ZNF18: variants seen among roughly 807,000 people sequenced by gnomAD.
The protein encoded by ZNF18 is heart development-specific gene 1 protein.
A neutral mutation model predicts 58.1 loss-of-function variants in ZNF18; 42 were observed. The ratio of observed to expected loss-of-function variants is 0.72; its 90% CI spans 0.56 to 0.93. The LOEUF (loss-of-function observed/expected upper bound fraction) is 0.93, where lower values mean the gene tolerates loss of function less well. Ranked by LOEUF, ZNF18 falls within the 40% of genes least tolerant of loss-of-function variation. The pLI is 0.00. For synonymous variants in ZNF18, 231 were observed against 239.8 expected, an observed-to-expected ratio of 0.96 and a Z score of 0.34; for missense variants, 540 against 644.2, an observed-to-expected ratio of 0.84 and a Z score of 1.75.
In ZNF18 at chr17:11,991,050, A is replaced by G; in HGVS notation, c.501T>C (p.Leu167=). Residue 167 remains leucine (L), a synonymous_variant, in exon 3 of 7, where the codon CTT becomes CTC. Coordinates refer to ENST00000580306, the MANE Select transcript of ZNF18 (RefSeq NM_001303281.2). ...CCCCAGGCCCTGAGGATGAATTCTC[A>G]AGTCCCAACTCCTGAGGCACCACTT... The part of the protein sequence containing the change: ...HLEVVPQELG[L]ENSSSGPGEL... 2.5e-6 allele frequency: 4 copies of G among 1,613,712 alleles called. No homozygotes were observed. The highest frequency in any genetic ancestry group is 3.4e-6 in the Non-Finnish European group (4 of 1,179,678).
chr17:12,000,342 A>AACTGAGGAGCC (rs1474380009), upstream of ZNF18, among the ~76,000 whole-genome samples: 1 of 152,194 alleles, frequency 6.6e-6, no homozygotes, highest in Non-Finnish European at 1.5e-5. Flanking sequence ...AGGAGAAAGA[A>AACTGAGGAGCC]ACTGAGGAGC....
At chr17:11,982,657 AGTGTGT>A (rs143602913) in intron 6 of ZNF18, among the ~76,000 whole-genome samples, 1,733 of 136,792 alleles carry the variant, frequency 0.013, 10 homozygotes, top group African/African-American at 0.02. Flanking sequence ...TATATATAAA[AGTGTGT>A]GTGTGTGTGT....
At chr17:12,020,916 C>T in the ZNF18 span, 1 of 1,213,282 alleles carries the variant, frequency 8.2e-7, no homozygotes, top group Non-Finnish European at 1.0e-6. Flanking sequence ...GCGGCGGCGG[C>T]GGCTCCGGGG....
At chr17:11,992,991 G>A (rs1968228600) in intron 1 of ZNF18, 80 bp from the exon 2 acceptor site, 13 of 783,592 alleles carry the variant, frequency 1.7e-5, no homozygotes, top group Non-Finnish European at 2.4e-5. Flanking sequence ...TGCCCTACCC[G>A]AGAAGCCATG....
At chr17:11,993,062 A>G in intron 1 of ZNF18, 151 bp from the exon 2 acceptor site, 1 of 527,066 alleles carries the variant, frequency 1.9e-6, no homozygotes, top group Non-Finnish European at 3.3e-6. Context: ...TTGAAAGATT[A>G]TAAACTTGAA....
intron 4 of ZNF18, among the ~76,000 whole-genome samples, chr17:11,988,589 C>T (rs77839623): frequency 0.01 from 1,562 of 152,196 alleles, 29 homozygotes; most frequent in African/African-American, 0.035. Context: ...GGAAACAGTT[C>T]GTATTTCCAC....
the ZNF18 span, among the ~76,000 whole-genome samples, chr17:12,014,413 C>G: frequency 6.6e-6 from 1 of 152,020 alleles, no homozygotes; most frequent in Non-Finnish European, 1.5e-5. Context: ...AATGGATAAA[C>G]AAAATGTGAT....
At position 11,977,838 on chromosome 17, in the gene ZNF18, T is replaced by C. The variant is rs1423518570; in HGVS notation, c.*119A>G. 1.1e-5 allele frequency: 14 copies of C among 1,248,356 alleles called. No individual in the cohort carries two copies. The highest frequency in any genetic ancestry group is 1.6e-5 in the Non-Finnish European group (14 of 899,988). The allele number at this position is 1,248,356 out of a possible 1,614,324, so 77.3% of individuals were successfully genotyped here. A position where few individuals can be genotyped will look rare whatever the true frequency, so the allele number is the denominator to read the frequency against. On this transcript the variant is annotated 3_prime_UTR_variant, in exon 7 of 7. Transcript: ENST00000580306. The stretch of plus-strand genomic sequence containing the variant: ...CATGTCCAGATTCTCTCCTCTCCAA[T>C]CCAAGAAAAAAGGAGATTAACAGGG...
In ZNF18 at chr17:11,977,885, C is replaced by T; in HGVS notation, c.*72G>A. On this transcript the variant is annotated 3_prime_UTR_variant, in exon 7 of 7. Coordinates refer to ENST00000580306, the MANE Select transcript of ZNF18 (RefSeq NM_001303281.2). ...AGGGGTATCCTCTTAGACACAATTCCTCTTGATGGAGCTGAGTATTTTTGT... is the reference window on the plus strand; with the variant it reads ...AGGGGTATCCTCTTAGACACAATTCTTCTTGATGGAGCTGAGTATTTTTGT... 1 of 1,496,180 alleles carries T rather than the reference C, an allele frequency of 6.7e-7. No homozygotes were observed. The highest frequency in any genetic ancestry group is 9.0e-7 in the Non-Finnish European group (1 of 1,116,052). The allele number at this position is 1,496,180 out of a possible 1,614,324, so 92.7% of individuals were successfully genotyped here.
At chr17:12,016,279 T>C in the ZNF18 span, among the ~76,000 whole-genome samples, 5 of 152,196 alleles carry the variant, frequency 3.3e-5, no homozygotes, top group Admixed American at 6.5e-5. Flanking sequence ...ATCTTCAAGC[T>C]TCCTTCCCTG....
At chr17:12,011,075 T>C in the ZNF18 span, 15 of 727,670 alleles carry the variant, frequency 2.1e-5, no homozygotes, top group Admixed American at 7.0e-5. Flanking sequence ...GGGGCATTCC[T>C]TTTTGAACAG....
intron 4 of ZNF18, among the ~76,000 whole-genome samples, 155 bp downstream of exon 4, chr17:11,990,307 T>C (rs1968023826): frequency 6.6e-6 from 1 of 152,196 alleles, no homozygotes; most frequent in East Asian, 1.9e-4. Context: ...CATGATTCTA[T>C]TTTTACAAAA....
the ZNF18 span, chr17:12,002,491 A>G: frequency 5.3e-5 from 8 of 152,206 alleles, no homozygotes; most frequent in Non-Finnish European, 1.0e-4. Flanking sequence ...GACATGGCAA[A>G]TATCTTTGTT....
chr17:12,002,546 C>G, the ZNF18 span, among the ~76,000 whole-genome samples: 1 of 152,056 alleles, frequency 6.6e-6, no homozygotes, highest in Admixed American at 6.6e-5. Flanking sequence ...TGTGTAAGAG[C>G]GTAACTGAAA....
Position 11,990,248 on chromosome 17 carries a change from A to G in ZNF18, c.666+214T>C, listed in dbSNP as rs114694912. Reference sequence around the variant, plus strand: ...GAAATAAGCAAATATATATATATGTATATATATACACATTATATGCATAAG... The same window carrying G: ...GAAATAAGCAAATATATATATATGTGTATATATACACATTATATGCATAAG... On this transcript the variant is annotated intron_variant, in intron 4 of 6. Transcript: ENST00000580306. Among the ~76,000 whole-genome samples the G allele has an allele frequency of 6.3e-3, 955 of 152,224 alleles. 11 individuals are homozygous for G. The highest frequency in any genetic ancestry group is 0.022 in the African/African-American group (902 of 41,532).
chr17:12,021,103 A>G, the ZNF18 span: 1 of 642,808 alleles, frequency 1.6e-6, no homozygotes, highest in Non-Finnish European at 2.2e-6. Context: ...TGAGGAAGCC[A>G]CGGCAGCCGC....
At chr17:12,008,874 G>T in the ZNF18 span, among the ~76,000 whole-genome samples, 1 of 152,222 alleles carries the variant, frequency 6.6e-6, no homozygotes, top group Non-Finnish European at 1.5e-5. Flanking sequence ...AAGGAATTTG[G>T]TCAAGGTCAA....
At chr17:11,990,792 A>G (rs371283257) in intron 3 of ZNF18, among the ~76,000 whole-genome samples, 182 bp downstream of exon 3, 67 of 152,330 alleles carry the variant, frequency 4.4e-4, no homozygotes, top group African/African-American at 1.6e-3. Flanking sequence ...TGGCCCAGTC[A>G]TAAAGCAGTT....
upstream of ZNF18, among the ~76,000 whole-genome samples, chr17:12,002,079 T>A (rs992130793): frequency 5.3e-5 from 8 of 152,092 alleles, no homozygotes; most frequent in Non-Finnish European, 1.0e-4. Context: ...AACTGCAGGA[T>A]CAAGTCTATT....
Sources: gnomAD v4.1 joint callset for allele counts (sites outside exome capture counted in the v4.1 genomes callset) on GRCh38, gnomAD v4.1.1 for gene constraint, MANE v1.5 for transcripts, NCBI Gene and HGNC (gene_info 2026-07-23, HGNC 2026-07-21) for gene names.